The following STAB2 variants were observed in gnomAD, a reference collection of about 807,000 sequenced individuals.
STAB2 encodes the protein stabilin-2.
In STAB2, 288 loss-of-function variants were observed where a neutral mutation model predicts 338.1. That is an observed-to-expected ratio of 0.85 (90% CI 0.77 to 0.94). STAB2 has a LOEUF of 0.94. Among genes scored for constraint, STAB2 ranks in the 40% least tolerant of loss-of-function variants. The probability of loss-of-function intolerance (pLI) is 0.00; values close to 1 mark genes in which losing one functional copy is unlikely to be tolerated. For missense variants in STAB2, 3,141 were observed against 3,210.1 expected (o/e 0.98, Z 0.52); for synonymous variants, 1,202 against 1,193.3 (o/e 1.01, Z -0.15).
At chr12:103,612,897 C>T (rs925515854) in intron 3 of STAB2, among the ~76,000 whole-genome samples, 1 of 152,074 alleles carries the variant, frequency 6.6e-6, no homozygotes, top group Non-Finnish European at 1.5e-5. Flanking sequence ...GTTAGTTTTC[C>T]TTCTAAGAAT....
In STAB2 at chr12:103,668,674, G is replaced by A; in HGVS notation, c.2117G>A (p.Gly706Asp). Residue 706 changes from glycine (G) to aspartate (D), a missense_variant, in exon 20 of 69, where the codon GGC (glycine) becomes GAC (aspartate). Physicochemically the swap from Gly to Asp is moderately conservative, Grantham distance 94. Transcript: ENST00000388887. ...ALFTHRCVYS[G>D]RFGSLKSGCA... is the part of the protein sequence containing the mutation. ...TTCACACACAGATGTGTCTACAGTGGCAGGTTTGGGAGCCTGAAGAGCGGC... is the reference window on the plus strand; with the variant it reads ...TTCACACACAGATGTGTCTACAGTGACAGGTTTGGGAGCCTGAAGAGCGGC... 6.4e-7 allele frequency: 1 copy of A among 1,551,340 alleles called. No homozygotes were observed. Among genetic ancestry groups the A allele is most frequent in the Non-Finnish European group, 8.7e-7 (1 of 1,146,944 alleles).
intron 29 of STAB2, 58 bp from the exon 30 acceptor site, chr12:103,690,366 A>G (rs1352119283): frequency 1.4e-6 from 2 of 1,408,242 alleles, no homozygotes; most frequent in Non-Finnish European, 2.0e-6. Flanking sequence ...TTAACTATTC[A>G]ATGATACAGC....
At chr12:103,600,943 G>A (rs1956945147) in intron 3 of STAB2, among the ~76,000 whole-genome samples, 1 of 152,192 alleles carries the variant, frequency 6.6e-6, no homozygotes, top group South Asian at 2.1e-4. Context: ...AGAAATTATT[G>A]CCAGCTTTGA....
chr12:103,622,040 A>G lies in STAB2; in HGVS notation c.418-2A>G. The G allele has an allele frequency of 1.2e-6, 2 of 1,614,214 alleles. No homozygotes were observed. Among genetic ancestry groups the G allele is most frequent in the African/African-American group, 1.3e-5 (1 of 75,060 alleles). ...ATGTCAACCACCTGGGGTGTTTTGCAGGAAGGGTTTGGTGGAACAGCCTGT... is the reference window on the plus strand; with the variant it reads ...ATGTCAACCACCTGGGGTGTTTTGCGGGAAGGGTTTGGTGGAACAGCCTGT... On this transcript the variant is annotated splice_acceptor_variant, in intron 4 of 68. Coordinates refer to ENST00000388887, the MANE Select transcript of STAB2 (RefSeq NM_017564.10). LOFTEE classifies it high-confidence loss of function.
chr12:103,749,581 G>A (rs1212843569), intron 59 of STAB2, among the ~76,000 whole-genome samples: 1 of 151,570 alleles, frequency 6.6e-6, no homozygotes, highest in Non-Finnish European at 1.5e-5. Context: ...TGTAATCCCA[G>A]TACTTTGGGA....
In STAB2 at chr12:103,638,103, A is replaced by C; in HGVS notation, c.797A>C (p.Glu266Ala). The change falls in exon 8 of 69, where the codon GAA becomes GCA. Residue 266 changes from glutamate (E) to alanine (A), a missense_variant. Glu to Ala is a moderately radical substitution (Grantham distance 107). Coordinates refer to ENST00000388887, the MANE Select transcript of STAB2 (RefSeq NM_017564.10). ...AATCGGCACAGTTGTACATGCCAAG[A>C]AGGCTACCGTGGGGATGGCCAAGTG... ...GPNRHSCTCQ[E>A]GYRGDGQVCL... 1 of 1,614,212 alleles carries C rather than the reference A, an allele frequency of 6.2e-7. No homozygotes were observed. The highest frequency in any genetic ancestry group is 8.5e-7 in the Non-Finnish European group (1 of 1,180,044).
rs1424508512 is a variant in STAB2 at position 103,739,351 on chromosome 12, AAC to A, written c.5698-59_5698-58del. ...TTAATCCATCCAGGTATTAATCAGG[AAC>A]ATTTCCTTGTGTTTTCTGATATTCT... On this transcript the variant is annotated intron_variant, in intron 53 of 68. Transcript: ENST00000388887. 9.6e-6 allele frequency: 14 copies of A among 1,465,036 alleles called. No individual in the cohort carries two copies. The African/African-American group carries it at 2.0e-4, about 21-fold the overall frequency. The allele number at this position is 1,465,036 out of a possible 1,614,324, so 90.8% of individuals were successfully genotyped here.
chr12:103,593,280 C>A (rs1006882416), intron 2 of STAB2, among the ~76,000 whole-genome samples: 64 of 152,186 alleles, frequency 4.2e-4, no homozygotes, highest in African/African-American at 1.4e-3. Context: ...TACATTCTCA[C>A]CAACAGTGTA....
chr12:103,645,804 G>T (rs12319272), intron 9 of STAB2, among the ~76,000 whole-genome samples: 1 of 151,922 alleles, frequency 6.6e-6, no homozygotes, highest in Non-Finnish European at 1.5e-5. Context: ...GTTGTGAGGG[G>T]CTGGGCTGTG....
intron 5 of STAB2, among the ~76,000 whole-genome samples, chr12:103,624,274 C>T (rs1327317425): frequency 5.9e-5 from 9 of 152,220 alleles, no homozygotes; most frequent in African/African-American, 2.2e-4. Flanking sequence ...ACACTCACTA[C>T]ACTGTTTTTG....
chr12:103,764,877 C>A (rs1425938157), intron 68 of STAB2, among the ~76,000 whole-genome samples: 1 of 151,966 alleles, frequency 6.6e-6, no homozygotes, highest in East Asian at 1.9e-4. Flanking sequence ...GCAGGTGGAT[C>A]ACCTGAGGTC....
At chr12:103,602,543 C>A (rs1396991060) in intron 3 of STAB2, among the ~76,000 whole-genome samples, 1 of 152,120 alleles carries the variant, frequency 6.6e-6, no homozygotes, top group Non-Finnish European at 1.5e-5. Context: ...TTAGAAACTG[C>A]CAAACTGTTT....
At chr12:103,676,917 T>A (rs879741290) in intron 24 of STAB2, among the ~76,000 whole-genome samples, 2 of 152,166 alleles carry the variant, frequency 1.3e-5, no homozygotes, top group Non-Finnish European at 2.9e-5. Context: ...AGCCTACAGA[T>A]TCCTTTGATT....
chr12:103,651,449 G>GA (rs781499202), intron 11 of STAB2, among the ~76,000 whole-genome samples: 2 of 151,660 alleles, frequency 1.3e-5, no homozygotes, highest in Non-Finnish European at 2.9e-5. Context: ...AAGTAGCTGG[G>GA]ACTACAGGCA....
chr12:103,657,653 T>C (rs1874295613), intron 15 of STAB2: 3 of 152,234 alleles, frequency 2.0e-5, no homozygotes, highest in African/African-American at 7.2e-5. Flanking sequence ...CTCTCAATCT[T>C]GTTTCTCTCC....
intron 66 of STAB2, 86 bp downstream of exon 66, chr12:103,761,496 C>A: frequency 8.3e-7 from 1 of 1,203,328 alleles, no homozygotes; most frequent in Non-Finnish European, 1.2e-6. Context: ...GAAGCCCTGT[C>A]CTCCTCCCTC....
At position 103,705,734 on chromosome 12, in the gene STAB2, A is replaced by T; in HGVS notation, c.3996+7A>T. On this transcript the variant is annotated splice_region_variant and intron_variant, in intron 37 of 68. Transcript: ENST00000388887. The stretch of plus-strand genomic sequence containing the variant: ...ATGTGTGAGAACCGTCATTGTGAGT[A>T]CAATAATTGAATCATACTAACTACT... 1 of 1,613,626 alleles carries T rather than the reference A, an allele frequency of 6.2e-7. No individual in the cohort carries two copies. Among genetic ancestry groups the T allele is most frequent in the Non-Finnish European group, 8.5e-7 (1 of 1,179,498 alleles).
intron 55 of STAB2, among the ~76,000 whole-genome samples, chr12:103,742,083 CATT>C (rs1882628139): frequency 6.8e-6 from 1 of 146,748 alleles, no homozygotes; most frequent in Non-Finnish European, 1.5e-5. Flanking sequence ...ACTGTATCAT[CATT>C]ATTATCATCA....
intron 34 of STAB2, among the ~76,000 whole-genome samples, chr12:103,700,882 C>T (rs1299900767): frequency 6.6e-6 from 1 of 151,766 alleles, no homozygotes; most frequent in Non-Finnish European, 1.5e-5. Context: ...TTTTAGGGTA[C>T]ATGTGCACAA....
Sources: gnomAD v4.1 joint callset for allele counts (sites outside exome capture counted in the v4.1 genomes callset) on GRCh38, gnomAD v4.1.1 for gene constraint, MANE v1.5 for transcripts, NCBI Gene and HGNC (gene_info 2026-07-23, HGNC 2026-07-21) for gene names.